The following ENTHD1 variants were observed in gnomAD, a reference collection of about 807,000 sequenced individuals.
The protein encoded by ENTHD1 is ENTH domain-containing protein 1.
Under a neutral mutation model 39.1 loss-of-function variants are expected in ENTHD1, and 23 were observed. The observed-to-expected ratio is 0.59, with a 90% CI of 0.42 to 0.83. The LOEUF (loss-of-function observed/expected upper bound fraction) is 0.83, where lower values mean the gene tolerates loss of function less well. Ranked by LOEUF, ENTHD1 falls within the 40% of genes least tolerant of loss-of-function variation. The probability of loss-of-function intolerance (pLI) is 0.00; values close to 1 mark genes in which losing one functional copy is unlikely to be tolerated. For synonymous variants in ENTHD1, 230 were observed against 258.2 expected (o/e 0.89, Z 1.05); for missense variants, 624 against 705.4 (o/e 0.88, Z 1.31).
At chr22:39,879,752 T>C (rs922332727) in intron 2 of ENTHD1, among the ~76,000 whole-genome samples, 7 of 152,136 alleles carry the variant, frequency 4.6e-5, no homozygotes, top group African/African-American at 7.2e-5. Context: ...TGCCATACAA[T>C]TGAGTACATC....
chr22:39,872,956 T>C (rs1382430286), intron 2 of ENTHD1, among the ~76,000 whole-genome samples: 1 of 151,138 alleles, frequency 6.6e-6, no homozygotes, highest in Non-Finnish European at 1.5e-5. Context: ...CAGCCCCCCA[T>C]CAGCCATGCC....
At chr22:39,826,793 C>T (rs1036147239) in intron 4 of ENTHD1, among the ~76,000 whole-genome samples, 6 of 151,296 alleles carry the variant, frequency 4.0e-5, no homozygotes, top group Non-Finnish European at 7.4e-5. Flanking sequence ...GAGAAATCTC[C>T]GTAGCTTCCA....
chr22:39,779,043 G>T (rs879362079), intron 5 of ENTHD1, among the ~76,000 whole-genome samples: 7 of 152,204 alleles, frequency 4.6e-5, no homozygotes, highest in Non-Finnish European at 8.8e-5. Flanking sequence ...AACAGGCCAG[G>T]TGTGGTGGCT....
chr22:39,752,795 G>A (rs2065157336), intron 6 of ENTHD1, among the ~76,000 whole-genome samples: 1 of 152,110 alleles, frequency 6.6e-6, no homozygotes, highest in Admixed American at 6.6e-5. Flanking sequence ...GAGTTGCTGG[G>A]GCTTCCTCCC....
At chr22:39,762,747 C>T (rs1240365904) in intron 6 of ENTHD1, among the ~76,000 whole-genome samples, 1 of 152,094 alleles carries the variant, frequency 6.6e-6, no homozygotes, top group Non-Finnish European at 1.5e-5. Flanking sequence ...GTCACTGTAC[C>T]AGGTCCATTT....
intron 4 of ENTHD1, among the ~76,000 whole-genome samples, chr22:39,830,242 T>C (rs1175326409): frequency 1.3e-5 from 2 of 152,018 alleles, no homozygotes; most frequent in African/African-American, 4.8e-5. Context: ...CGCCCGGTAA[T>C]TTTCGTATTT....
intron 2 of ENTHD1, among the ~76,000 whole-genome samples, chr22:39,869,003 C>A (rs2066213858): frequency 6.6e-6 from 1 of 152,170 alleles, no homozygotes; most frequent in Non-Finnish European, 1.5e-5. Flanking sequence ...GAAAAGGGGA[C>A]ACTTGTATAC....
intron 5 of ENTHD1, among the ~76,000 whole-genome samples, chr22:39,793,623 T>G (rs1421017955): frequency 1.3e-5 from 2 of 152,058 alleles, no homozygotes; most frequent in Non-Finnish European, 1.5e-5. Flanking sequence ...TTTATAATTT[T>G]GGGTCTTACA....
intron 4 of ENTHD1, among the ~76,000 whole-genome samples, chr22:39,834,961 T>C (rs1176492433): frequency 6.6e-6 from 1 of 151,998 alleles, no homozygotes; most frequent in Non-Finnish European, 1.5e-5. Flanking sequence ...TGCCAGAGGA[T>C]GAGTTGGGAG....
At chr22:39,779,340 C>G (rs1237681076) in intron 5 of ENTHD1, among the ~76,000 whole-genome samples, 1 of 151,682 alleles carries the variant, frequency 6.6e-6, no homozygotes, top group Admixed American at 6.6e-5. Flanking sequence ...GACTCTGTCT[C>G]AAAAATAAAC....
intron 3 of ENTHD1, among the ~76,000 whole-genome samples, chr22:39,851,100 G>T (rs1289072805): frequency 6.6e-6 from 1 of 151,842 alleles, no homozygotes; most frequent in Non-Finnish European, 1.5e-5. Flanking sequence ...AGTCTTGCTG[G>T]TACACAATTA....
At chr22:39,789,974 A>G (rs1003648294) in intron 5 of ENTHD1, among the ~76,000 whole-genome samples, 2 of 152,106 alleles carry the variant, frequency 1.3e-5, no homozygotes, top group African/African-American at 2.4e-5. Flanking sequence ...AGTGGAGGGC[A>G]GAGTGTTCTA....
intron 2 of ENTHD1, chr22:39,875,403 C>T (rs2066280032): frequency 1.4e-5 from 21 of 1,462,042 alleles, no homozygotes; most frequent in Non-Finnish European, 1.8e-5. Flanking sequence ...CCCGCCACCC[C>T]GGAGCAGCCT....
chr22:39,868,191 T>C (rs1175596594), intron 2 of ENTHD1, among the ~76,000 whole-genome samples: 1 of 152,060 alleles, frequency 6.6e-6, no homozygotes, highest in Non-Finnish European at 1.5e-5. Flanking sequence ...GCAGTCTTAA[T>C]ACTTGGAACT....
chr22:39,788,276 G>C (rs1486678004), intron 5 of ENTHD1, among the ~76,000 whole-genome samples: 1 of 152,166 alleles, frequency 6.6e-6, no homozygotes, highest in African/African-American at 2.4e-5. Flanking sequence ...TGATTTATGG[G>C]AGATCAAATT....
intron 3 of ENTHD1, among the ~76,000 whole-genome samples, chr22:39,845,225 C>T (rs1252626504): frequency 6.6e-6 from 1 of 152,150 alleles, no homozygotes; most frequent in Non-Finnish European, 1.5e-5. Flanking sequence ...CCATTTACTT[C>T]TTATAACAAC....
intron 5 of ENTHD1, among the ~76,000 whole-genome samples, chr22:39,771,077 G>C (rs2223336): frequency 0.21 from 31,875 of 152,024 alleles, 3,752 homozygotes; most frequent in African/African-American, 0.3. Context: ...GTGTGCTTAA[G>C]CTGTACTCTT....
chr22:39,879,462 C>CAAAAAAAAA, intron 2 of ENTHD1, among the ~76,000 whole-genome samples: 1 of 16,452 alleles, frequency 6.1e-5, no homozygotes, highest in Non-Finnish European at 1.1e-4. Flanking sequence ...GACTCTGTCT[C>CAAAAAAAAA]AAAAAAAAAA....
chr22:39,794,891 G>A (rs1239006690), intron 5 of ENTHD1, among the ~76,000 whole-genome samples: 2 of 152,090 alleles, frequency 1.3e-5, no homozygotes, highest in Admixed American at 1.3e-4. Context: ...TATGATGTTG[G>A]TTGTGGGTTT....
Sources: allele counts gnomAD v4.1 joint callset (sites outside exome capture counted in the v4.1 genomes callset), GRCh38; gene constraint gnomAD v4.1.1; transcripts MANE v1.5; gene names NCBI Gene and HGNC (gene_info 2026-07-23, HGNC 2026-07-21).